Variants in SEM1 observed in about 807,000 individuals in gnomAD.
The protein encoded by SEM1 is SEM1 26S proteasome subunit, also known as 26S proteasome complex subunit SEM1.
A neutral mutation model predicts 12.7 loss-of-function variants in SEM1; 3 were observed. The observed-to-expected ratio is 0.24, with a 90% CI of 0.11 to 0.61. The LOEUF (loss-of-function observed/expected upper bound fraction) is 0.61. Among genes scored for constraint, SEM1 ranks in the 20% least tolerant of loss-of-function variants. SEM1 has a pLI of 0.88. For synonymous variants in SEM1, 30 were observed against 27.8 expected, an observed-to-expected ratio of 1.08 and a Z score of -0.25; for missense variants, 59 against 81.3, an observed-to-expected ratio of 0.73 and a Z score of 1.06.
At chr7:96,576,485 G>A (rs1430642933) in intron 2 of SEM1, among the ~76,000 whole-genome samples, 2 of 152,002 alleles carry the variant, frequency 1.3e-5, no homozygotes, top group African/African-American at 4.8e-5. Context: ...ACTTTACTTT[G>A]CTTTTTTGCA....
intron 2 of SEM1, among the ~76,000 whole-genome samples, chr7:96,633,271 A>G (rs796995598): frequency 2.6e-5 from 4 of 152,212 alleles, no homozygotes; most frequent in African/African-American, 9.6e-5. Flanking sequence ...CAGGGAGAAA[A>G]TATGATGGTT....
chr7:96,603,737 C>T (rs1436411794), intron 2 of SEM1, among the ~76,000 whole-genome samples: 1 of 152,142 alleles, frequency 6.6e-6, no homozygotes, highest in Admixed American at 6.5e-5. Flanking sequence ...CAGTGCTCCT[C>T]CCTCCCTCCA....
Position 96,608,231 on chromosome 7 carries a change from G to A in SEM1, c.170+86567C>T, listed in dbSNP as rs79176033. On this transcript the variant is annotated intron_variant and NMD_transcript_variant, in intron 2 of 3. Transcript: ENST00000466986. ...GAGCCCAGGGAAGTACATAAGCAGA[G>A]GAATGGAGATTTGTGAAAGAGCTTT... Among the ~76,000 whole-genome samples, 587 of 152,300 alleles carry A rather than the reference G, an allele frequency of 3.9e-3. 3 individuals carry two copies. The highest frequency in any genetic ancestry group is 0.013 in the African/African-American group (555 of 41,574).
At chr7:96,690,760 G>A (rs1437248859) in intron 2 of SEM1, among the ~76,000 whole-genome samples, 1 of 152,070 alleles carries the variant, frequency 6.6e-6, no homozygotes. Flanking sequence ...GGTAAATCAG[G>A]AACTATACTG....
intron 2 of SEM1, among the ~76,000 whole-genome samples, chr7:96,594,892 A>G (rs1806946816): frequency 6.6e-6 from 1 of 152,208 alleles, no homozygotes; most frequent in Admixed American, 6.5e-5. Flanking sequence ...ACATAAACAA[A>G]AGAATTTTCA....
At chr7:96,580,745 T>G (rs1806370099) in intron 2 of SEM1, among the ~76,000 whole-genome samples, 1 of 151,996 alleles carries the variant, frequency 6.6e-6, no homozygotes. Flanking sequence ...TTTTCATGTG[T>G]TTTTTGGCTG....
intron 2 of SEM1, among the ~76,000 whole-genome samples, chr7:96,513,604 A>T (rs538098176): frequency 6.6e-6 from 1 of 152,100 alleles, no homozygotes; most frequent in South Asian, 2.1e-4. Context: ...TGAGGTGGGC[A>T]GATCACTTGA....
intron 2 of SEM1, among the ~76,000 whole-genome samples, chr7:96,616,496 G>T (rs1807726809): frequency 6.6e-6 from 1 of 151,948 alleles, no homozygotes; most frequent in South Asian, 2.1e-4. Flanking sequence ...TATTCTGTAG[G>T]TTACCTGTTT....
chr7:96,707,658 G>C (rs982174051), intron 1 of SEM1, among the ~76,000 whole-genome samples: 2 of 151,590 alleles, frequency 1.3e-5, no homozygotes, highest in African/African-American at 2.4e-5. Context: ...TTACCTTTTT[G>C]TTTTGTTTTA....
intron 2 of SEM1, among the ~76,000 whole-genome samples, chr7:96,585,648 G>T (rs7790840): frequency 0.54 from 82,829 of 152,134 alleles, 24,631 homozygotes; most frequent in Non-Finnish European, 0.68. Context: ...CTCCGAGCCA[G>T]GTGCGGGATA....
exon 4 of SEM1, chr7:96,483,297 G>C (rs1802616640): frequency 6.5e-6 from 1 of 154,558 alleles, no homozygotes; most frequent in South Asian, 2.0e-4. Flanking sequence ...TGCCACATGG[G>C]TAAGAAGTGG....
intron 2 of SEM1, among the ~76,000 whole-genome samples, chr7:96,606,959 A>C (rs901820791): frequency 1.3e-5 from 2 of 152,216 alleles, no homozygotes; most frequent in African/African-American, 4.8e-5. Context: ...TTATTCTAGC[A>C]GGCATTTTCT....
intron 2 of SEM1, among the ~76,000 whole-genome samples, chr7:96,694,455 A>G (rs893742253): frequency 1.3e-5 from 2 of 151,990 alleles, no homozygotes; most frequent in Non-Finnish European, 2.9e-5. Flanking sequence ...TCACCAATCT[A>G]TTAGGTCCCA....
intron 2 of SEM1, among the ~76,000 whole-genome samples, chr7:96,689,324 A>C (rs1377629229): frequency 6.6e-6 from 1 of 152,186 alleles, no homozygotes; most frequent in African/African-American, 2.4e-5. Context: ...TTTGAGACTC[A>C]TTAACCTCAG....
At chr7:96,641,958 C>T (rs1460239120) in intron 2 of SEM1, among the ~76,000 whole-genome samples, 6 of 151,826 alleles carry the variant, frequency 4.0e-5, no homozygotes, top group East Asian at 1.9e-4. Context: ...AAAGCATTGA[C>T]GGAAATAATA....
downstream of SEM1, among the ~76,000 whole-genome samples, chr7:96,669,677 T>C (rs1249396797): frequency 6.6e-6 from 1 of 152,194 alleles, no homozygotes; most frequent in African/African-American, 2.4e-5. Context: ...GTGGCCTGAC[T>C]TGTGAATGAG....
chr7:96,555,161 T>C (rs567726229), intron 2 of SEM1, among the ~76,000 whole-genome samples: 7 of 101,936 alleles, frequency 6.9e-5, no homozygotes, highest in African/African-American at 1.7e-4. Context: ...CCTGGATTCA[T>C]TAATTTTTTG....
chr7:96,581,430 T>C (rs374436307), intron 2 of SEM1, among the ~76,000 whole-genome samples: 45,199 of 149,092 alleles, frequency 0.3, 6,884 homozygotes, highest in Admixed American at 0.31. Flanking sequence ...GTTCTTTTGT[T>C]TTAGGATTGA....
At chr7:96,589,052 T>C (rs1806746637) in intron 2 of SEM1, among the ~76,000 whole-genome samples, 1 of 152,256 alleles carries the variant, frequency 6.6e-6, no homozygotes, top group Non-Finnish European at 1.5e-5. Flanking sequence ...TGATGATGGC[T>C]GTTGCCTCTG....
Sources: allele counts gnomAD v4.1 joint callset (sites outside exome capture counted in the v4.1 genomes callset), GRCh38; gene constraint gnomAD v4.1.1; transcripts MANE v1.5; gene names NCBI Gene and HGNC (gene_info 2026-07-23, HGNC 2026-07-21).